PCDHGA4: variants seen among roughly 807,000 people sequenced by gnomAD.
The protein encoded by PCDHGA4 is protocadherin gamma subfamily A, 4.
PCDHGA4 carries 38 observed loss-of-function variants against 54.6 expected under a neutral mutation model. The ratio of observed to expected loss-of-function variants is 0.70; its 90% CI spans 0.54 to 0.91. The LOEUF (loss-of-function observed/expected upper bound fraction) is 0.91, where lower values mean the gene tolerates loss of function less well. PCDHGA4 is among the 40% of genes least tolerant of loss of function. PCDHGA4 has a pLI of 0.00. For synonymous variants in PCDHGA4, 511 were observed against 512.9 expected (o/e 1.00, Z 0.05); for missense variants, 1,298 against 1,220.9 (o/e 1.06, Z -0.94).
In PCDHGA4 at chr5:141,394,790, G is replaced by A. The variant is rs776824024; in HGVS notation, c.2514+37169G>A. The A allele has an allele frequency of 2.4e-5, 39 of 1,613,718 alleles. No homozygotes were observed. The African/African-American group carries it at 3.2e-4, about 13-fold the overall frequency. ...AGCCCCCTCTCTCCGCCACTGTCAC[G>A]CTCACCGTAGCCGTGGCTGACAGCA... On this transcript the variant is annotated intron_variant, in intron 1 of 3. Transcript: ENST00000571252.
chr5:141,437,306 C>T (rs1462689998), intron 1 of PCDHGA4, among the ~76,000 whole-genome samples: 1 of 152,104 alleles, frequency 6.6e-6, no homozygotes, highest in Non-Finnish European at 1.5e-5. Flanking sequence ...CAAGTTAAAG[C>T]GTTCAGCTAT....
rs1224943883 is a variant in PCDHGA4 at position 141,493,516 on chromosome 5, G to A, written c.2515-1291G>A. Among the ~76,000 whole-genome samples, 1 of 152,122 alleles carries A rather than the reference G, an allele frequency of 6.6e-6. No individual in the cohort carries two copies. The highest frequency in any genetic ancestry group is 1.5e-5 in the Non-Finnish European group (1 of 68,036). On this transcript the variant is annotated intron_variant, in intron 1 of 3. Coordinates refer to ENST00000571252, the MANE Select transcript of PCDHGA4 (RefSeq NM_018917.4). The surrounding 1 kb of genome is among the most constrained non-coding windows in gnomAD (Gnocchi z 4.3). ...GGCTCCTCATTTCTGAGCAGTCCCC[G>A]CAGCGCAAACTTGGCCAGTTATCCT...
intron 1 of PCDHGA4, chr5:141,372,747 G>T (rs749618566): frequency 1.6e-5 from 26 of 1,613,300 alleles, no homozygotes; most frequent in Admixed American, 1.7e-5. Context: ...ATGTGATGAA[G>T]CCTCTTGGTT....
chr5:141,496,723 T>G (rs1312615861), intron 2 of PCDHGA4, among the ~76,000 whole-genome samples: 3 of 152,212 alleles, frequency 2.0e-5, no homozygotes, highest in Non-Finnish European at 4.4e-5. Context: ...AAGTCATTAA[T>G]GTATTCATTC....
chr5:141,511,428 G>T lies in PCDHGA4; in HGVS notation c.*255G>T. 1 of 769,024 alleles carries T rather than the reference G, an allele frequency of 1.3e-6. No homozygotes were observed. The highest frequency in any genetic ancestry group is 2.0e-6 in the Non-Finnish European group (1 of 504,448). 47.6% of individuals were successfully genotyped at this position (769,024 alleles called of 1,614,324 possible). ...ACTGCTGTACCCATGGGGGTAGTGG[G>T]GTTACTGTAGACACCAAGAACCATT... On this transcript the variant is annotated 3_prime_UTR_variant, in exon 4 of 4. Transcript: ENST00000571252.
chr5:141,368,738 T>C (rs1765827901), intron 1 of PCDHGA4, among the ~76,000 whole-genome samples: 1 of 152,208 alleles, frequency 6.6e-6, no homozygotes, highest in Non-Finnish European at 1.5e-5. Flanking sequence ...GTATATACCA[T>C]ATACTTTTAA....
intron 1 of PCDHGA4, chr5:141,394,595 G>A: frequency 6.2e-7 from 1 of 1,613,740 alleles, no homozygotes; most frequent in Non-Finnish European, 8.5e-7. Flanking sequence ...TGGTGGCGGT[G>A]GACAGAGACT....
chr5:141,509,068 G>T (rs1267011061), intron 3 of PCDHGA4, among the ~76,000 whole-genome samples: 1 of 152,144 alleles, frequency 6.6e-6, no homozygotes, highest in Non-Finnish European at 1.5e-5. Context: ...TCTCAGCTCC[G>T]GGGATTTGCG....
Position 141,419,681 on chromosome 5 carries a change from G to A in PCDHGA4, c.2514+62060G>A, listed in dbSNP as rs377117997. ...GCACAATGCCTGGCTGTCCTACCACGTGGTGCAGGCCAGTGAGCCCGGGCT... is the reference window on the plus strand; with the variant it reads ...GCACAATGCCTGGCTGTCCTACCACATGGTGCAGGCCAGTGAGCCCGGGCT... On this transcript the variant is annotated intron_variant, in intron 1 of 3. Coordinates refer to ENST00000571252, the MANE Select transcript of PCDHGA4 (RefSeq NM_018917.4). 76 of 1,612,904 alleles carry A rather than the reference G, an allele frequency of 4.7e-5. No homozygotes were observed. The highest frequency in any genetic ancestry group is 5.7e-5 in the Non-Finnish European group (67 of 1,179,706).
intron 1 of PCDHGA4, chr5:141,418,958 G>A: frequency 4.3e-6 from 7 of 1,614,000 alleles, no homozygotes; most frequent in Non-Finnish European, 5.9e-6. Context: ...AGTGGTTGTT[G>A]CCCTCTTCAA....
At position 141,486,778 on chromosome 5, in the gene PCDHGA4, G is replaced by A. The variant is rs750169906; in HGVS notation, c.2515-8029G>A. The A allele has an allele frequency of 1.2e-6, 2 of 1,614,104 alleles. No individual in the cohort carries two copies. Among genetic ancestry groups the A allele is most frequent in the Admixed American group, 1.7e-5 (1 of 60,006 alleles). ...AAACCCAGACACTGCAGTTTGAGGT[G>A]CAGGCCCGGGATCGGGGCAACCCAC... is the stretch of plus-strand genomic sequence containing the variant. On this transcript the variant is annotated intron_variant, in intron 1 of 3. Coordinates refer to ENST00000571252, the MANE Select transcript of PCDHGA4 (RefSeq NM_018917.4). This position sits in a 1 kb window ranked among gnomAD's most constrained non-coding sequence, Gnocchi z 5.0.
intron 1 of PCDHGA4, chr5:141,362,416 G>C (rs1167115299): frequency 1.2e-6 from 2 of 1,614,008 alleles, no homozygotes; most frequent in Non-Finnish European, 1.7e-6. Context: ...CTCACAATCA[G>C]CCAAGACAGA....
At chr5:141,369,282 C>T (rs908116391) in intron 1 of PCDHGA4, among the ~76,000 whole-genome samples, 3 of 152,074 alleles carry the variant, frequency 2.0e-5, no homozygotes, top group Admixed American at 2.0e-4. Flanking sequence ...ATTCACTCCC[C>T]AATCCTAATA....
At chr5:141,456,918 G>C (rs535602842) in intron 1 of PCDHGA4, among the ~76,000 whole-genome samples, 49 of 152,124 alleles carry the variant, frequency 3.2e-4, no homozygotes, top group African/African-American at 1.2e-3. Context: ...AGCCGAGATC[G>C]CACCACTGCA....
Position 141,421,056 on chromosome 5 carries a change from A to G in PCDHGA4, c.2514+63435A>G, listed in dbSNP as rs1378326708. On this transcript the variant is annotated intron_variant, in intron 1 of 3. Coordinates refer to ENST00000571252, the MANE Select transcript of PCDHGA4 (RefSeq NM_018917.4). ...TCCCTCCCTCCCCCGCCTCTACCACACAAAGCGGAATGAGATGGATACTCA... is the reference window on the plus strand; with the variant it reads ...TCCCTCCCTCCCCCGCCTCTACCACGCAAAGCGGAATGAGATGGATACTCA... 5 of 576,490 alleles carry G rather than the reference A, an allele frequency of 8.7e-6. No individual in the cohort carries two copies. In the East Asian group the frequency reaches 9.2e-5, roughly 11 times the overall value. The allele number at this position is 576,490 out of a possible 1,614,324, so 35.7% of individuals were successfully genotyped here. A position where few individuals can be genotyped will look rare whatever the true frequency, so the allele number is the denominator to read the frequency against.
chr5:141,395,327 AAAT>A (rs760723981), intron 1 of PCDHGA4: 2 of 1,469,018 alleles, frequency 1.4e-6, no homozygotes, highest in Non-Finnish European at 1.8e-6. Flanking sequence ...AGATAGTTGA[AAAT>A]AATTTTTAAG....
At chr5:141,479,241 G>T (rs2099490987) in intron 1 of PCDHGA4, 1 of 152,174 alleles carries the variant, frequency 6.6e-6, no homozygotes, top group Admixed American at 6.5e-5. Context: ...CAAACCCAAA[G>T]ATAACCATTT....
At chr5:141,460,983 G>GTGTA (rs1554142949) in intron 1 of PCDHGA4, among the ~76,000 whole-genome samples, 1,579 of 137,794 alleles carry the variant, frequency 0.011, 39 homozygotes, top group African/African-American at 0.038. Context: ...GTGTGTGTGT[G>GTGTA]TATATATATA....
intron 1 of PCDHGA4, chr5:141,433,370 T>TCTAA (rs1466476027): frequency 1.8e-6 from 1 of 554,768 alleles, no homozygotes; most frequent in African/African-American, 1.9e-5. Context: ...TATCTATCTA[T>TCTAA]CTATCTATCT....
Sources: allele counts gnomAD v4.1 joint callset (sites outside exome capture counted in the v4.1 genomes callset), GRCh38; gene constraint gnomAD v4.1.1; non-coding constraint Gnocchi (gnomAD v3.1); transcripts MANE v1.5; gene names NCBI Gene and HGNC (gene_info 2026-07-23, HGNC 2026-07-21).